TMEM117: variants seen among roughly 807,000 people sequenced by gnomAD.
TMEM117 encodes the protein transmembrane protein 117.
In TMEM117, 27 loss-of-function variants were observed where a neutral mutation model predicts 52.4. The observed-to-expected ratio is 0.51, with a 90% confidence interval of 0.38 to 0.71. The LOEUF is 0.71. Among genes scored for constraint, TMEM117 ranks in the 30% least tolerant of loss-of-function variants. The pLI, the probability that TMEM117 is intolerant of heterozygous loss-of-function variation, is 0.00. For synonymous variants in TMEM117, 215 were observed against 206.3 expected (o/e 1.04, Z -0.36); for missense variants, 556 against 630.5 (o/e 0.88, Z 1.26).
At chr12:44,248,729 T>C in intron 5 of TMEM117, 1 of 166,564 alleles carries the variant, frequency 6.0e-6, no homozygotes. Context: ...TGCTGAGGGC[T>C]GTGTTCCACA....
chr12:44,291,420 G>A (rs1726900), intron 5 of TMEM117, among the ~76,000 whole-genome samples: 26,218 of 115,884 alleles, frequency 0.23, 4,805 homozygotes, highest in African/African-American at 0.53. Flanking sequence ...AGGGTTTCCT[G>A]TATGTAAGAT....
chr12:44,147,027 C>A (rs1319687660), intron 4 of TMEM117, among the ~76,000 whole-genome samples: 3 of 152,150 alleles, frequency 2.0e-5, no homozygotes, highest in Non-Finnish European at 4.4e-5. Flanking sequence ...TTAGGCAGCT[C>A]TGACTTTTCC....
At chr12:43,966,736 G>T (rs1173391082) in intron 3 of TMEM117, among the ~76,000 whole-genome samples, 1 of 152,186 alleles carries the variant, frequency 6.6e-6, no homozygotes, top group Non-Finnish European at 1.5e-5. Context: ...ACTAGGCAAA[G>T]AATAAAGTCA....
chr12:43,820,121 GT>G, the TMEM117 span, among the ~76,000 whole-genome samples: 2 of 151,458 alleles, frequency 1.3e-5, no homozygotes, highest in Admixed American at 6.6e-5. Context: ...TTTTGTTTTT[GT>G]TTTTGTTTTT....
chr12:44,165,357 G>T (rs1948951942), intron 4 of TMEM117, among the ~76,000 whole-genome samples: 1 of 152,090 alleles, frequency 6.6e-6, no homozygotes, highest in South Asian at 2.1e-4. Flanking sequence ...ATAGAAGTAA[G>T]ACCTCACCTA....
intron 3 of TMEM117, among the ~76,000 whole-genome samples, chr12:44,029,779 A>G (rs1347450407): frequency 6.6e-6 from 1 of 152,238 alleles, no homozygotes; most frequent in East Asian, 1.9e-4. Context: ...AGGATAGAAC[A>G]CAGGCTTAGG....
intron 5 of TMEM117, among the ~76,000 whole-genome samples, chr12:44,242,713 C>T (rs1950078504): frequency 7.4e-6 from 1 of 135,652 alleles, no homozygotes; most frequent in Admixed American, 7.9e-5. Flanking sequence ...GATATCTATA[C>T]ATATAGATAT....
At chr12:43,832,072 T>G (rs983217036), upstream of TMEM117, among the ~76,000 whole-genome samples, 7 of 152,216 alleles carry the variant, frequency 4.6e-5, no homozygotes, top group African/African-American at 1.7e-4. Context: ...GAAATGGAGT[T>G]GTTTGGGCTA....
In TMEM117 at chr12:43,904,160, G is replaced by A. The variant is rs142382197; in HGVS notation, c.278-40050G>A. On this transcript the variant is annotated intron_variant, in intron 2 of 7. Transcript: ENST00000266534. Reference sequence around the variant, plus strand: ...ATGATTTCTTAATTTCCTCAAAATCGTTCAATAAAACAGATTCATTAAATA... The same window carrying A: ...ATGATTTCTTAATTTCCTCAAAATCATTCAATAAAACAGATTCATTAAATA... 9.6e-4 allele frequency among the ~76,000 whole-genome samples: 146 copies of A among 152,222 alleles called. 1 individual carries two copies. Among genetic ancestry groups the A allele is most frequent in the Admixed American group, 3.6e-3 (55 of 15,280 alleles).
chr12:43,898,283 A>C (rs1944244871), intron 2 of TMEM117, among the ~76,000 whole-genome samples: 1 of 151,730 alleles, frequency 6.6e-6, no homozygotes, highest in Non-Finnish European at 1.5e-5. Context: ...TTCTCTTAGT[A>C]ATCTAGCTAG....
At chr12:44,145,131 T>C (rs952138688) in intron 4 of TMEM117, among the ~76,000 whole-genome samples, 3 of 152,176 alleles carry the variant, frequency 2.0e-5, no homozygotes, top group Non-Finnish European at 2.9e-5. Flanking sequence ...AACTCCAGCC[T>C]GGGCGACAGA....
At chr12:44,119,928 G>A (rs1407850389) in intron 3 of TMEM117, among the ~76,000 whole-genome samples, 1 of 152,148 alleles carries the variant, frequency 6.6e-6, no homozygotes. Flanking sequence ...CAGTGGTGAA[G>A]GATGCTCAGG....
chr12:43,897,284 C>T (rs868714095), intron 2 of TMEM117, among the ~76,000 whole-genome samples: 2 of 149,678 alleles, frequency 1.3e-5, no homozygotes, highest in Non-Finnish European at 3.0e-5. Context: ...CCTATCAGTT[C>T]CATCTATACT....
intron 4 of TMEM117, among the ~76,000 whole-genome samples, chr12:44,196,914 T>C (rs1592598082): frequency 6.6e-6 from 1 of 152,364 alleles, no homozygotes; most frequent in South Asian, 2.1e-4. Flanking sequence ...AGTCTTTTCT[T>C]GGACTTGCCA....
At chr12:44,070,004 C>A (rs1388330324) in intron 3 of TMEM117, among the ~76,000 whole-genome samples, 5 of 152,160 alleles carry the variant, frequency 3.3e-5, no homozygotes, top group Admixed American at 6.5e-5. Context: ...ATCCTCCCAC[C>A]TTACCTTCCT....
At chr12:43,993,130 G>A (rs900262802) in intron 3 of TMEM117, among the ~76,000 whole-genome samples, 5 of 152,098 alleles carry the variant, frequency 3.3e-5, no homozygotes, top group African/African-American at 1.2e-4. Flanking sequence ...TCTTTTGCTT[G>A]GTCTTTCTGG....
chr12:44,186,576 C>G (rs2138331008), intron 4 of TMEM117, among the ~76,000 whole-genome samples: 1 of 152,208 alleles, frequency 6.6e-6, no homozygotes, highest in East Asian at 1.9e-4. Context: ...TTTACTCTCA[C>G]AATAGCCTAT....
At chr12:44,198,778 T>C (rs570916716) in intron 4 of TMEM117, among the ~76,000 whole-genome samples, 27 of 152,220 alleles carry the variant, frequency 1.8e-4, no homozygotes, top group African/African-American at 4.6e-4. Context: ...TGGTTTAAAC[T>C]TCCTGCTGGT....
At chr12:44,211,580 T>A (rs1949646025) in intron 5 of TMEM117, among the ~76,000 whole-genome samples, 193 bp downstream of exon 5, 1 of 152,184 alleles carries the variant, frequency 6.6e-6, no homozygotes, top group Admixed American at 6.6e-5. Flanking sequence ...ATATTCACAT[T>A]TATAAAACAG....
Sources: allele counts gnomAD v4.1 joint callset (sites outside exome capture counted in the v4.1 genomes callset), GRCh38; gene constraint gnomAD v4.1.1; transcripts MANE v1.5; gene names NCBI Gene and HGNC (gene_info 2026-07-23, HGNC 2026-07-21).